Variants in SLC22A14 observed in about 807,000 individuals in gnomAD.
SLC22A14 encodes the protein solute carrier family 22 member 14, also known as organic cation transporter-like 4.
A neutral mutation model predicts 53.9 loss-of-function variants in SLC22A14; 50 were observed. That is an observed-to-expected ratio of 0.93 (90% confidence interval 0.74 to 1.17). The LOEUF (loss-of-function observed/expected upper bound fraction) is 1.17. SLC22A14 is among the 50% of genes most tolerant of loss of function. The pLI is 0.00. For missense variants in SLC22A14, 671 were observed against 734.7 expected (o/e 0.91, Z 1.00); for synonymous variants, 312 against 303.0 (o/e 1.03, Z -0.31).
At chr3:38,281,274 T>C (rs905122143), upstream of SLC22A14, among the ~76,000 whole-genome samples, 1 of 152,194 alleles carries the variant, frequency 6.6e-6, no homozygotes, top group African/African-American at 2.4e-5. Flanking sequence ...TGATCAATAC[T>C]TCATTTTTTT....
chr3:38,318,275 A>G lies in SLC22A14; in HGVS notation c.*26A>G. ...GGAAGCGGCCAAGAATGTCATTCTC[A>G]ATGCCCAGATCCTGAGATTGGACCC... On this transcript the variant is annotated 3_prime_UTR_variant, in exon 11 of 11. Transcript: ENST00000448498. 4 of 1,604,190 alleles carry G rather than the reference A, an allele frequency of 2.5e-6. No homozygotes were observed. Among genetic ancestry groups the G allele is most frequent in the East Asian group, 2.2e-5 (1 of 44,826 alleles).
At chr3:38,289,204 A>AT (rs1703856548) in intron 1 of SLC22A14, among the ~76,000 whole-genome samples, 1 of 151,308 alleles carries the variant, frequency 6.6e-6, no homozygotes, top group African/African-American at 2.4e-5. Flanking sequence ...AAAAAAAAAA[A>AT]ATTGCAAAAA....
At position 38,316,513 on chromosome 3, in the gene SLC22A14, C is replaced by A. The variant is rs753783415; in HGVS notation, c.1722C>A (p.Ser574=). Residue 574 remains serine, a synonymous_variant, in exon 10 of 11, where the codon TCC becomes TCA. Transcript: ENST00000448498. The part of the protein sequence containing the change: ...DQPLSESLNH[S]SQIRNKVKDM... ...CCCTCTCCGAGAGCCTGAACCACTC[C>A]TCACAGATAAGGTAGGTGTGGGAGC... is the stretch of plus-strand genomic sequence containing the variant. 2.5e-6 allele frequency: 4 copies of A among 1,614,128 alleles called. No individual in the cohort carries two copies. Among genetic ancestry groups the A allele is most frequent in the Non-Finnish European group, 3.4e-6 (4 of 1,179,996 alleles).
intron 9 of SLC22A14, 108 bp from the exon 10 acceptor site, chr3:38,316,216 A>T (rs1575426646): frequency 4.3e-6 from 4 of 927,480 alleles, no homozygotes; most frequent in Non-Finnish European, 6.8e-6. Context: ...CACAATGAGG[A>T]TGGGACAGGG....
At chr3:38,310,696 C>A (rs1321495581) in intron 5 of SLC22A14, among the ~76,000 whole-genome samples, 1 of 152,146 alleles carries the variant, frequency 6.6e-6, no homozygotes, top group Non-Finnish European at 1.5e-5. Context: ...GCTCCCAGTG[C>A]TCTGTTTGTG....
chr3:38,313,691 C>CGCGCGCGCGCGT (rs770295334), intron 7 of SLC22A14, 36 bp from the exon 8 acceptor site: 101 of 940,648 alleles, frequency 1.1e-4, no homozygotes, highest in African/African-American at 3.9e-4. Context: ...TGTGTGCGCG[C>CGCGCGCGCGCGT]GTGTGCACGC....
At chr3:38,284,435 T>C (rs7644932) in intron 1 of SLC22A14, among the ~76,000 whole-genome samples, 5,539 of 152,294 alleles carry the variant, frequency 0.036, 332 homozygotes, top group African/African-American at 0.12. Flanking sequence ...ATCCCTGCCC[T>C]CTAGGCCCAC....
rs1703866415 is a variant in SLC22A14 at position 38,289,589 on chromosome 3, A to G, written c.-1+7250A>G. On this transcript the variant is annotated intron_variant, in intron 1 of 10. Transcript: ENST00000448498. Reference sequence around the variant, plus strand: ...ATAGCTCTATTAGAAGCTGTGGGTCACGGAAGAGAACCATGAAACCCAGCT... The same window carrying G: ...ATAGCTCTATTAGAAGCTGTGGGTCGCGGAAGAGAACCATGAAACCCAGCT... Among the ~76,000 whole-genome samples the G allele has an allele frequency of 2.6e-5, 4 of 152,328 alleles. No homozygotes were observed. The South Asian group carries it at 8.3e-4, about 32-fold the overall frequency.
intron 1 of SLC22A14, among the ~76,000 whole-genome samples, chr3:38,295,354 G>T (rs141670802): frequency 0.063 from 9,594 of 152,206 alleles, 237 homozygotes; most frequent in East Asian, 0.16. Context: ...AACTGGTGAG[G>T]TGTGCTCACA....
chr3:38,282,109 G>T (rs905314213), upstream of SLC22A14, among the ~76,000 whole-genome samples: 15 of 152,230 alleles, frequency 9.9e-5, no homozygotes, highest in Non-Finnish European at 1.9e-4. Flanking sequence ...CTCGTGTGGA[G>T]GAAACAGCCT....
rs1704531211 is a variant in SLC22A14 at position 38,313,505 on chromosome 3, T to C, written c.1163+20T>C. Reference sequence around the variant, plus strand: ...TGTGTGGTGAGTATCCAGGGCTCGCTGGCAGGGACTGCGAACAGGTGCGCA... The same window carrying C: ...TGTGTGGTGAGTATCCAGGGCTCGCCGGCAGGGACTGCGAACAGGTGCGCA... On this transcript the variant is annotated intron_variant, in intron 7 of 10. Coordinates refer to ENST00000448498, the MANE Select transcript of SLC22A14 (RefSeq NM_001320033.2). The C allele has an allele frequency of 4.6e-6, 7 of 1,530,876 alleles. No homozygotes were observed. The highest frequency in any genetic ancestry group is 6.3e-6 in the Non-Finnish European group (7 of 1,104,054). The allele number at this position is 1,530,876 out of a possible 1,614,324, so 94.8% of individuals were successfully genotyped here. A position where few individuals can be genotyped will look rare whatever the true frequency, so the allele number is the denominator to read the frequency against.
intron 10 of SLC22A14, among the ~76,000 whole-genome samples, chr3:38,317,125 G>T (rs899334926): frequency 2.6e-5 from 4 of 152,208 alleles, no homozygotes; most frequent in Non-Finnish European, 5.9e-5. Flanking sequence ...CAATGAACAC[G>T]CTCTCCCTGG....
chr3:38,295,046 C>T (rs1383655147), intron 1 of SLC22A14, among the ~76,000 whole-genome samples: 2 of 152,188 alleles, frequency 1.3e-5, no homozygotes, highest in African/African-American at 4.8e-5. Context: ...TTAGGCAGTT[C>T]TCCTAACTCT....
At chr3:38,312,287 C>T (rs1704489010) in intron 5 of SLC22A14, among the ~76,000 whole-genome samples, 1 of 152,166 alleles carries the variant, frequency 6.6e-6, no homozygotes, top group African/African-American at 2.4e-5. Context: ...TGGGGATAAT[C>T]ATACTAGGTC....
chr3:38,279,690 T>C (rs1703625129), upstream of SLC22A14, among the ~76,000 whole-genome samples: 1 of 151,934 alleles, frequency 6.6e-6, no homozygotes, highest in Non-Finnish European at 1.5e-5. Context: ...CTCTGATGAA[T>C]GGGTAAGTGT....
In SLC22A14 at chr3:38,315,679, C is replaced by G; in HGVS notation, c.1500C>G (p.Leu500=). The change falls in exon 9 of 11, where the codon CTC becomes CTG. Residue 500 remains leucine, a synonymous_variant. Coordinates refer to ENST00000448498, the MANE Select transcript of SLC22A14 (RefSeq NM_001320033.2). ...CCGCCACTGTCACTGTGTTCTTCCTCTACACCGCTGAGCTCCTCCCCACTG... is the reference window on the plus strand; with the variant it reads ...CCGCCACTGTCACTGTGTTCTTCCTGTACACCGCTGAGCTCCTCCCCACTG... ...SLAATVTVFF[L]YTAELLPTVL... 5.0e-6 allele frequency: 8 copies of G among 1,614,064 alleles called. No homozygotes were observed. Among genetic ancestry groups the G allele is most frequent in the Non-Finnish European group, 6.8e-6 (8 of 1,180,020 alleles).
At chr3:38,279,462 TGGTAGAGATGG>T (rs1445384775), upstream of SLC22A14, among the ~76,000 whole-genome samples, 1 of 152,196 alleles carries the variant, frequency 6.6e-6, no homozygotes, top group Non-Finnish European at 1.5e-5. Flanking sequence ...TTTGTATTTT[TGGTAGAGATGG>T]GGTTTTGCCA....
Position 38,315,791 on chromosome 3 carries a change from C to G in SLC22A14, c.1532+80C>G, listed in dbSNP as rs1396656765. 10 of 1,397,542 alleles carry G rather than the reference C, an allele frequency of 7.2e-6. No individual in the cohort carries two copies. The East Asian group carries it at 1.8e-4, about 26-fold the overall frequency. 86.6% of individuals were successfully genotyped at this position (1,397,542 alleles called of 1,614,324 possible). A position where few individuals can be genotyped will look rare whatever the true frequency, so the allele number is the denominator to read the frequency against. On this transcript the variant is annotated intron_variant, in intron 9 of 10. Transcript: ENST00000448498. ...GACAAGATTAATGCAGCAACTAAGA[C>G]AAGCATTCACCTGGTGACAAGCACT...
At chr3:38,300,837 G>A (rs899688304) in intron 1 of SLC22A14, among the ~76,000 whole-genome samples, 2 of 152,136 alleles carry the variant, frequency 1.3e-5, no homozygotes, top group Admixed American at 6.5e-5. Flanking sequence ...TTCCAAGCAT[G>A]CCAAACACTC....
Sources: gnomAD v4.1 joint callset for allele counts (sites outside exome capture counted in the v4.1 genomes callset) on GRCh38, gnomAD v4.1.1 for gene constraint, MANE v1.5 for transcripts, NCBI Gene and HGNC (gene_info 2026-07-23, HGNC 2026-07-21) for gene names.